Variants in VKORC1L1 observed in about 807,000 individuals in gnomAD.
VKORC1L1 encodes the protein vitamin K epoxide reductase complex subunit 1-like protein 1.
VKORC1L1 carries 2 observed loss-of-function variants against 18.9 expected under a neutral mutation model. The ratio of observed to expected loss-of-function variants is 0.11; its 90% confidence interval spans 0.04 to 0.33. The LOEUF (loss-of-function observed/expected upper bound fraction) is 0.33. VKORC1L1 is among the 10% of genes least tolerant of loss of function. VKORC1L1 has a pLI of 1.00. For synonymous variants in VKORC1L1, 96 were observed against 100.0 expected (o/e 0.96, Z 0.24); for missense variants, 123 against 224.1 (o/e 0.55, Z 2.88).
At chr7:65,945,469 G>C (rs1356112412) in intron 1 of VKORC1L1, among the ~76,000 whole-genome samples, 1 of 152,048 alleles carries the variant, frequency 6.6e-6, no homozygotes, top group Admixed American at 6.6e-5. Context: ...AAAATTAGCT[G>C]GGCATGGTGG....
In VKORC1L1 at chr7:65,959,108, A is replaced by G. The variant is rs929151928; in HGVS notation, c.*4808A>G. On this transcript the variant is annotated 3_prime_UTR_variant, in exon 3 of 3. Coordinates refer to ENST00000360768, the MANE Select transcript of VKORC1L1 (RefSeq NM_173517.6). ...CACTTGAGGTCAGGAGTTCAAGACC[A>G]GCCTGGCCAACATGGTGAAACCTGC... 6 of 152,288 alleles carry G rather than the reference A, an allele frequency of 3.9e-5. No individual in the cohort carries two copies. The highest frequency in any genetic ancestry group is 1.4e-4 in the African/African-American group (6 of 41,446). 9.4% of individuals were successfully genotyped at this position (152,288 alleles called of 1,614,324 possible).
At chr7:65,937,688 A>G (rs1017492849) in intron 1 of VKORC1L1, among the ~76,000 whole-genome samples, 1 of 152,158 alleles carries the variant, frequency 6.6e-6, no homozygotes, top group African/African-American at 2.4e-5. Flanking sequence ...TGCTGGCATT[A>G]CAGGCGTGAG....
chr7:65,884,019 T>G (rs1788972431), intron 1 of VKORC1L1, among the ~76,000 whole-genome samples: 1 of 152,140 alleles, frequency 6.6e-6, no homozygotes, highest in Non-Finnish European at 1.5e-5. Flanking sequence ...TATGACAAAA[T>G]CAGGAATTAA....
At chr7:65,912,870 T>G (rs1789523182) in intron 1 of VKORC1L1, among the ~76,000 whole-genome samples, 1 of 152,250 alleles carries the variant, frequency 6.6e-6, no homozygotes, top group African/African-American at 2.4e-5. Context: ...TTTAGTAAAT[T>G]TACAACATGG....
intron 1 of VKORC1L1, among the ~76,000 whole-genome samples, chr7:65,877,893 C>T (rs1476010329): frequency 6.6e-6 from 1 of 152,082 alleles, no homozygotes; most frequent in African/African-American, 2.4e-5. Flanking sequence ...CCACTGTGGG[C>T]CCTGCAGAAC....
At chr7:65,917,713 C>T (rs1789611464) in intron 1 of VKORC1L1, among the ~76,000 whole-genome samples, 1 of 152,152 alleles carries the variant, frequency 6.6e-6, no homozygotes, top group Non-Finnish European at 1.5e-5. Flanking sequence ...CCCCTGTATC[C>T]ATCACTAAAA....
At chr7:65,929,318 G>A (rs1789817666) in intron 1 of VKORC1L1, among the ~76,000 whole-genome samples, 1 of 152,066 alleles carries the variant, frequency 6.6e-6, no homozygotes, top group Non-Finnish European at 1.5e-5. Flanking sequence ...AGGGTGAGGT[G>A]GGAGAATAGC....
intron 1 of VKORC1L1, among the ~76,000 whole-genome samples, chr7:65,910,126 T>G (rs916553691): frequency 6.6e-6 from 1 of 152,214 alleles, no homozygotes; most frequent in Non-Finnish European, 1.5e-5. Context: ...AGTTCACATC[T>G]TTTAAAAGTT....
chr7:65,873,907 C>G (rs1323612940), intron 1 of VKORC1L1, among the ~76,000 whole-genome samples: 8 of 151,910 alleles, frequency 5.3e-5, no homozygotes, highest in Non-Finnish European at 8.8e-5. Flanking sequence ...GAGGGTGGGT[C>G]CAGGCTGGCT....
intron 1 of VKORC1L1, among the ~76,000 whole-genome samples, chr7:65,886,023 C>A (rs976632222): frequency 9.9e-5 from 15 of 152,178 alleles, no homozygotes; most frequent in African/African-American, 3.6e-4. Flanking sequence ...CTGGAGTTGC[C>A]TCTCTGATAA....
chr7:65,872,327 T>C (rs536807070), upstream of VKORC1L1, among the ~76,000 whole-genome samples: 1 of 152,238 alleles, frequency 6.6e-6, no homozygotes, highest in South Asian at 2.1e-4. Context: ...ATCTCTCTTT[T>C]TTTTTTTGAG....
chr7:65,920,574 C>G (rs1468466402), intron 1 of VKORC1L1, among the ~76,000 whole-genome samples: 1 of 152,132 alleles, frequency 6.6e-6, no homozygotes. Flanking sequence ...AAATAGAAAG[C>G]TAACAGGAGG....
intron 1 of VKORC1L1, among the ~76,000 whole-genome samples, chr7:65,943,591 C>T (rs1273459199): frequency 2.0e-5 from 3 of 152,126 alleles, no homozygotes; most frequent in South Asian, 2.1e-4. Flanking sequence ...GTCAGGAGTT[C>T]GAGACCAGCC....
At chr7:65,939,838 C>CG in intron 1 of VKORC1L1, among the ~76,000 whole-genome samples, 1 of 152,100 alleles carries the variant, frequency 6.6e-6, no homozygotes. Context: ...GCAAAAGACT[C>CG]GGGGGCTGTA....
intron 1 of VKORC1L1, among the ~76,000 whole-genome samples, chr7:65,940,428 G>A (rs555463314): frequency 1.3e-5 from 2 of 152,302 alleles, no homozygotes; most frequent in South Asian, 2.1e-4. Flanking sequence ...CCTCCAGTGT[G>A]TATTTTCTCA....
At chr7:65,879,719 TC>T (rs550561936) in intron 1 of VKORC1L1, among the ~76,000 whole-genome samples, 1 of 151,818 alleles carries the variant, frequency 6.6e-6, no homozygotes, top group South Asian at 2.1e-4. Flanking sequence ...TTCTTTTCCT[TC>T]CTTCTTTTCT....
rs1405152221 is a variant in VKORC1L1, at chr7:65,950,428, C to T, written c.304+1648C>T. Among the ~76,000 whole-genome samples the T allele has an allele frequency of 2.6e-5, 4 of 152,142 alleles. No individual in the cohort carries two copies. In the East Asian group the frequency reaches 7.7e-4, roughly 29 times the overall value. ...TATTTTAATTGTTAATATTCCATTA[C>T]CTGTCAGCTCTTCTGATTTGGTTCA... is the stretch of plus-strand genomic sequence containing the variant. On this transcript the variant is annotated intron_variant, in intron 2 of 2. Transcript: ENST00000360768.
Position 65,933,034 on chromosome 7 carries a change from C to T in VKORC1L1, c.195-15637C>T, listed in dbSNP as rs377091466. ...TGGAGGTTGCAGTGAGCCGAGATCG[C>T]GCCACTGCACTCCAGCCTGGGCAAC... On this transcript the variant is annotated intron_variant, in intron 1 of 2. Coordinates refer to ENST00000360768, the MANE Select transcript of VKORC1L1 (RefSeq NM_173517.6). Among the ~76,000 whole-genome samples, 101 of 148,830 alleles carry T rather than the reference C, an allele frequency of 6.8e-4. 1 individual carries two copies. The highest frequency in any genetic ancestry group is 2.4e-3 in the African/African-American group (98 of 40,342).
At chr7:65,948,998 G>A (rs1790166966) in intron 2 of VKORC1L1, among the ~76,000 whole-genome samples, 1 of 152,114 alleles carries the variant, frequency 6.6e-6, no homozygotes, top group South Asian at 2.1e-4. Flanking sequence ...AGTATCTCAT[G>A]ATGTCCAGAA....
Sources: allele counts gnomAD v4.1 joint callset (sites outside exome capture counted in the v4.1 genomes callset), GRCh38; gene constraint gnomAD v4.1.1; transcripts MANE v1.5; gene names NCBI Gene and HGNC (gene_info 2026-07-23, HGNC 2026-07-21).